PITPNC1: variants seen among roughly 807,000 people sequenced by gnomAD.
The protein encoded by PITPNC1 is phosphatidylinositol transfer protein cytoplasmic 1.
PITPNC1 carries 18 observed loss-of-function variants against 44.7 expected under a neutral mutation model. The ratio of observed to expected loss-of-function variants is 0.40; its 90% CI spans 0.28 to 0.60. The LOEUF (loss-of-function observed/expected upper bound fraction) is 0.60, where lower values mean the gene tolerates loss of function less well. Ranked by LOEUF, PITPNC1 falls within the 20% of genes least tolerant of loss-of-function variation. The pLI is 0.39. For missense variants in PITPNC1, 290 were observed against 418.4 expected, an observed-to-expected ratio of 0.69 and a Z score of 2.68; for synonymous variants, 141 against 149.6, an observed-to-expected ratio of 0.94 and a Z score of 0.42.
intron 1 of PITPNC1, among the ~76,000 whole-genome samples, chr17:67,498,663 T>C (rs921768499): frequency 1.3e-5 from 2 of 152,228 alleles, no homozygotes; most frequent in African/African-American, 4.8e-5. Flanking sequence ...AGCTCATCAA[T>C]GGTGTGCAAT....
chr17:67,403,053 T>G (rs888348706), intron 1 of PITPNC1, among the ~76,000 whole-genome samples: 1 of 152,100 alleles, frequency 6.6e-6, no homozygotes, highest in Non-Finnish European at 1.5e-5. Flanking sequence ...CATGCCTTTG[T>G]GTCTTTCTCT....
At chr17:67,552,467 CTT>C (rs572329156) in intron 3 of PITPNC1, 122 bp downstream of exon 3, 217 of 495,512 alleles carry the variant, frequency 4.4e-4, no homozygotes, top group Middle Eastern at 9.2e-4. Flanking sequence ...TAGTATCCCT[CTT>C]TTTTTTTTTG....
intron 1 of PITPNC1, among the ~76,000 whole-genome samples, chr17:67,401,869 G>T (rs542969402): frequency 4.0e-5 from 6 of 151,720 alleles, no homozygotes; most frequent in Admixed American, 3.3e-4. Context: ...GAAAAGAAAA[G>T]AAATCTAGAT....
chr17:67,494,185 T>TTCTCTTTC, intron 1 of PITPNC1, among the ~76,000 whole-genome samples: 1 of 102,428 alleles, frequency 9.8e-6, no homozygotes. Flanking sequence ...CTTTCTTTCT[T>TTCTCTTTC]TTTCTTTCTT....
intron 5 of PITPNC1, among the ~76,000 whole-genome samples, chr17:67,593,521 C>A (rs767702828): frequency 6.6e-6 from 1 of 152,042 alleles, no homozygotes; most frequent in African/African-American, 2.4e-5. Flanking sequence ...GCCTCAGCCT[C>A]CCAAGTAGCT....
chr17:67,419,264 A>G (rs1247589678), intron 1 of PITPNC1, among the ~76,000 whole-genome samples: 1 of 152,168 alleles, frequency 6.6e-6, no homozygotes, highest in African/African-American at 2.4e-5. Flanking sequence ...CATGTGGTGG[A>G]GAAATGGAAG....
At chr17:67,455,411 G>T (rs2039240874) in intron 1 of PITPNC1, among the ~76,000 whole-genome samples, 1 of 151,812 alleles carries the variant, frequency 6.6e-6, no homozygotes, top group Non-Finnish European at 1.5e-5. Flanking sequence ...TTAATCACTG[G>T]GTGACAGGGT....
chr17:67,401,522 C>CA (rs1241135728), intron 1 of PITPNC1, among the ~76,000 whole-genome samples: 1 of 152,142 alleles, frequency 6.6e-6, no homozygotes, highest in Non-Finnish European at 1.5e-5. Flanking sequence ...AAGCCCTTTC[C>CA]ACATGCTGAC....
intron 1 of PITPNC1, among the ~76,000 whole-genome samples, chr17:67,459,221 G>A (rs1244926791): frequency 6.7e-6 from 1 of 148,954 alleles, no homozygotes; most frequent in Non-Finnish European, 1.5e-5. Context: ...AGGTTCAAGC[G>A]ATTCTCCTGC....
intron 1 of PITPNC1, chr17:67,459,808 G>C (rs1366792942): frequency 6.6e-6 from 1 of 152,170 alleles, no homozygotes; most frequent in Non-Finnish European, 1.5e-5. Flanking sequence ...TATATAGTAT[G>C]TCCTGAGGGG....
At chr17:67,409,071 C>CTTGTTT (rs2038450235) in intron 1 of PITPNC1, among the ~76,000 whole-genome samples, 1 of 80,512 alleles carries the variant, frequency 1.2e-5, no homozygotes. Context: ...CAAATTCATT[C>CTTGTTT]TTTTTTTTTT....
At chr17:67,683,370 G>A (rs2042749305) in intron 8 of PITPNC1, among the ~76,000 whole-genome samples, 3 of 152,094 alleles carry the variant, frequency 2.0e-5, no homozygotes, top group Admixed American at 6.6e-5. Context: ...AGATTTTGAG[G>A]TCATATATGT....
intron 8 of PITPNC1, among the ~76,000 whole-genome samples, chr17:67,681,348 C>T (rs1402757513): frequency 6.6e-6 from 1 of 152,048 alleles, no homozygotes; most frequent in Non-Finnish European, 1.5e-5. Flanking sequence ...TGTGGTTGTT[C>T]ATACCTGTAA....
intron 1 of PITPNC1, among the ~76,000 whole-genome samples, chr17:67,518,865 C>A (rs2040290646): frequency 6.6e-6 from 1 of 152,112 alleles, no homozygotes; most frequent in Non-Finnish European, 1.5e-5. Context: ...ATCACTTGAG[C>A]CCAGGAGTTT....
intron 5 of PITPNC1, among the ~76,000 whole-genome samples, chr17:67,584,378 A>G (rs1027026541): frequency 6.6e-6 from 1 of 152,198 alleles, no homozygotes; most frequent in African/African-American, 2.4e-5. Flanking sequence ...TGTCTTTCAC[A>G]GGGGTCTCCT....
intron 8 of PITPNC1, among the ~76,000 whole-genome samples, chr17:67,684,130 G>A (rs866081699): frequency 2.1e-3 from 110 of 53,376 alleles, no homozygotes; most frequent in Non-Finnish European, 1.5e-3. Context: ...TTTTTTTTTT[G>A]AGACAGAGTC....
chr17:67,587,457 A>G lies in PITPNC1; in HGVS notation c.366+9200A>G, dbSNP rs575879300. Among the ~76,000 whole-genome samples the G allele has an allele frequency of 4.3e-4, 65 of 152,238 alleles. 1 individual carries two copies. In the South Asian group the frequency reaches 0.012, roughly 29 times the overall value. On this transcript the variant is annotated intron_variant, in intron 5 of 8. Coordinates refer to ENST00000581322, the MANE Select transcript of PITPNC1 (RefSeq NM_012417.4). Reference sequence around the variant, plus strand: ...TGCAGTGAACCATGATCAAGCCACCATACTCCAGCCTGGGCAACAGAGCGA... The same window carrying G: ...TGCAGTGAACCATGATCAAGCCACCGTACTCCAGCCTGGGCAACAGAGCGA...
intron 2 of PITPNC1, among the ~76,000 whole-genome samples, chr17:67,544,878 T>C (rs1390868989): frequency 6.6e-6 from 1 of 152,190 alleles, no homozygotes; most frequent in Non-Finnish European, 1.5e-5. Flanking sequence ...GATATTCCAC[T>C]GCCCGGGCAA....
intron 2 of PITPNC1, among the ~76,000 whole-genome samples, chr17:67,537,675 T>TA (rs2040548183): frequency 6.6e-6 from 1 of 152,184 alleles, no homozygotes; most frequent in East Asian, 1.9e-4. Flanking sequence ...TGTTGTTTTT[T>TA]AAAAAATAGA....
Sources: allele counts gnomAD v4.1 joint callset (sites outside exome capture counted in the v4.1 genomes callset), GRCh38; gene constraint gnomAD v4.1.1; transcripts MANE v1.5; gene names NCBI Gene and HGNC (gene_info 2026-07-23, HGNC 2026-07-21).